Variants in ADAMTSL2 observed in about 807,000 individuals in gnomAD.
The protein encoded by ADAMTSL2 is ADAMTS like 2.
In ADAMTSL2, 55 loss-of-function variants were observed where a neutral mutation model predicts 117.0. That is an observed-to-expected ratio of 0.47 (90% CI 0.38 to 0.59). The LOEUF (loss-of-function observed/expected upper bound fraction) is 0.59. Among genes scored for constraint, ADAMTSL2 ranks in the 20% least tolerant of loss-of-function variants. ADAMTSL2 has a pLI of 0.00. For synonymous variants in ADAMTSL2, 572 were observed against 566.4 expected, an observed-to-expected ratio of 1.01 and a Z score of -0.14; for missense variants, 1,182 against 1,354.5, an observed-to-expected ratio of 0.87 and a Z score of 2.00.
chr9:133,537,295 G>A (rs556194090), intron 2 of ADAMTSL2, 110 bp from the exon 3 acceptor site: 217 of 1,195,934 alleles, frequency 1.8e-4, no homozygotes, highest in Middle Eastern at 6.4e-4. Flanking sequence ...CAGCCAGGGG[G>A]CTGTGTCTTC....
chr9:133,557,861 C>G lies in ADAMTSL2; in HGVS notation c.1649+1931C>G, dbSNP rs1013669074. Reference sequence around the variant, plus strand: ...TAGAATAGGTTTATCAGAGTGGCACCGAGGCCTCGCTGTGGAATTTGGCTT... The same window carrying G: ...TAGAATAGGTTTATCAGAGTGGCACGGAGGCCTCGCTGTGGAATTTGGCTT... On this transcript the variant is annotated intron_variant, in intron 11 of 18. Transcript: ENST00000651351. This position sits in a 1 kb window ranked among gnomAD's most constrained non-coding sequence, Gnocchi z 5.2. Among the ~76,000 whole-genome samples, 1 of 152,128 alleles carries G rather than the reference C, an allele frequency of 6.6e-6. No individual in the cohort carries two copies. The highest frequency in any genetic ancestry group is 2.4e-5 in the African/African-American group (1 of 41,418).
intron 11 of ADAMTSL2, among the ~76,000 whole-genome samples, chr9:133,559,611 C>T (rs1372330003): frequency 6.6e-6 from 1 of 151,598 alleles, no homozygotes; most frequent in African/African-American, 2.4e-5. Flanking sequence ...CTCGGCCTCC[C>T]AAAGTGCTGG....
At position 133,568,656 on chromosome 9, in the gene ADAMTSL2, G is replaced by A. The variant is rs11542920; in HGVS notation, c.2142G>A (p.Ser714=). The A allele has an allele frequency of 0.037, 59,579 of 1,613,292 alleles. 1,630 individuals carry two copies. Among genetic ancestry groups the A allele is most frequent in the South Asian group, 0.11 (10,071 of 91,058 alleles). The change falls in exon 15 of 19, where the codon TCG becomes TCA. Residue 714 remains serine (S), a synonymous_variant. Coordinates refer to ENST00000651351, the MANE Select transcript of ADAMTSL2 (RefSeq NM_014694.4). ...RSVVTRDIRC[S]EDEKLCDPNT... Reference sequence around the variant, plus strand: ...TGGTGACCAGGGACATCCGCTGCTCGGAGGATGAGAAGCTGTGTGACCCCA... The same window carrying A: ...TGGTGACCAGGGACATCCGCTGCTCAGAGGATGAGAAGCTGTGTGACCCCA...
intron 12 of ADAMTSL2, among the ~76,000 whole-genome samples, chr9:133,562,108 C>A (rs1194855068): frequency 6.6e-6 from 1 of 152,224 alleles, no homozygotes; most frequent in Non-Finnish European, 1.5e-5. Flanking sequence ...TGCTCCTGGT[C>A]CCGCCCCAGT....
rs1405261785 is a variant in ADAMTSL2 at position 133,558,898 on chromosome 9, T to C, written c.1650-2300T>C. ...TTATGTTCAAGAGTTGCATCTGCTA[T>C]GCCCCACACGTGCTGCTGCGAAGAG... is the stretch of plus-strand genomic sequence containing the variant. On this transcript the variant is annotated intron_variant, in intron 11 of 18. Coordinates refer to ENST00000651351, the MANE Select transcript of ADAMTSL2 (RefSeq NM_014694.4). The surrounding 1 kb of genome is among the most constrained non-coding windows in gnomAD (Gnocchi z 4.3). Among the ~76,000 whole-genome samples the C allele has an allele frequency of 2.0e-5, 3 of 152,238 alleles. No homozygotes were observed. Among genetic ancestry groups the C allele is most frequent in the Non-Finnish European group, 4.4e-5 (3 of 68,032 alleles).
Position 133,555,728 on chromosome 9 carries a change from G to A in ADAMTSL2, c.1447G>A (p.Ala483Thr). Reference sequence around the variant, plus strand: ...CAATGAGACTGTGAACAGCATCTTTGCACAGGGCGCCCCAAGGAGCTCCCT... The same window carrying A: ...CAATGAGACTGTGAACAGCATCTTTACACAGGGCGCCCCAAGGAGCTCCCT... Reference protein sequence around the residue: ...TLNETVNSIFAQGAPRSSLAE... With the variant: ...TLNETVNSIFTQGAPRSSLAE... The change falls in exon 11 of 19, where the codon GCA (alanine) becomes ACA (threonine). Residue 483 changes from alanine (A) to threonine (T), a missense_variant. Physicochemically the swap from Ala to Thr is moderately conservative, Grantham distance 58. Coordinates refer to ENST00000651351, the MANE Select transcript of ADAMTSL2 (RefSeq NM_014694.4). 1 of 1,614,028 alleles carries A rather than the reference G, an allele frequency of 6.2e-7. No homozygotes were observed. Among genetic ancestry groups the A allele is most frequent in the Non-Finnish European group, 8.5e-7 (1 of 1,180,050 alleles).
intron 12 of ADAMTSL2, among the ~76,000 whole-genome samples, chr9:133,563,842 A>G (rs867213933): frequency 2.5e-3 from 70 of 27,980 alleles, no homozygotes; most frequent in Middle Eastern, 0.029. Flanking sequence ...AGAGAGAGAG[A>G]GGGAGAGAGA....
chr9:133,564,088 G>GAA, intron 12 of ADAMTSL2, among the ~76,000 whole-genome samples: 1 of 48,702 alleles, frequency 2.1e-5, no homozygotes, highest in Non-Finnish European at 4.4e-5. Context: ...GAGAGAGAGA[G>GAA]AGAGGGAGAG....
In ADAMTSL2 at chr9:133,567,011, C is replaced by T; in HGVS notation, c.1823C>T (p.Thr608Ile). Residue 608 changes from threonine (T) to isoleucine (I), a missense_variant, in exon 13 of 19, where the codon ACC becomes ATC. Transcript: ENST00000651351. The stretch of plus-strand genomic sequence containing the variant: ...GATGACAGCTACTGTGACGCCCTGA[C>T]CCGTCCCGAGCCTGTCCACGAGTTC... ...EVDDSYCDAL[T>I]RPEPVHEFCA... 6.2e-7 allele frequency: 1 copy of T among 1,611,588 alleles called. No individual in the cohort carries two copies. The highest frequency in any genetic ancestry group is 8.5e-7 in the Non-Finnish European group (1 of 1,179,694).
In ADAMTSL2 at chr9:133,568,315, A is replaced by G; in HGVS notation, c.1917A>G (p.Gly639=). 1 of 1,581,364 alleles carries G rather than the reference A, an allele frequency of 6.3e-7. No individual in the cohort carries two copies. Residue 639 remains glycine (G), a synonymous_variant, in exon 14 of 19, where the codon GGA becomes GGG. Transcript: ENST00000651351. The stretch of plus-strand genomic sequence containing the variant: ...GGAGCGAGTGTTCGCGCACCTGCGG[A>G]GAGGGCTACCAGTTCCGCGTCGTGC... ...SSWSECSRTC[G]EGYQFRVVRC...
rs1830590408 is a variant in ADAMTSL2 at position 133,555,704 on chromosome 9, A to C, written c.1423A>C (p.Asn475His). ...AGSDLKDFTL[N>H]ETVNSIFAQG... ...CTCTGACTTGAAGGACTTCACCCTC[A>C]ATGAGACTGTGAACAGCATCTTTGC... is the stretch of plus-strand genomic sequence containing the variant. Residue 475 changes from asparagine (N) to histidine (H), a missense_variant, in exon 11 of 19, where the codon AAT (asparagine) becomes CAT (histidine). Coordinates refer to ENST00000651351, the MANE Select transcript of ADAMTSL2 (RefSeq NM_014694.4). The C allele has an allele frequency of 6.2e-7, 1 of 1,613,928 alleles. No individual in the cohort carries two copies. The highest frequency in any genetic ancestry group is 8.5e-7 in the Non-Finnish European group (1 of 1,180,026).
At position 133,537,705 on chromosome 9, in the gene ADAMTSL2, C is replaced by T. The variant is rs148482252; in HGVS notation, c.233+158C>T. Among the ~76,000 whole-genome samples the T allele has an allele frequency of 1.7e-3, 253 of 152,316 alleles. 3 individuals carry two copies. Among genetic ancestry groups the T allele is most frequent in the African/African-American group, 5.9e-3 (245 of 41,572 alleles). On this transcript the variant is annotated intron_variant, in intron 3 of 18. Coordinates refer to ENST00000651351, the MANE Select transcript of ADAMTSL2 (RefSeq NM_014694.4). ...AGTCCCCCCATCAGCCTCTGCTGGA[C>T]GCGGCTATGGATGGGCCCCAGCACT...
At chr9:133,563,073 T>C (rs1279010195) in intron 12 of ADAMTSL2, among the ~76,000 whole-genome samples, 1 of 152,184 alleles carries the variant, frequency 6.6e-6, no homozygotes, top group Admixed American at 6.5e-5. Context: ...CCTGGGCAAA[T>C]TGCCAAAGCC....
At chr9:133,548,992 CTTTT>C (rs1180540013) in intron 9 of ADAMTSL2, among the ~76,000 whole-genome samples, 7 of 31,022 alleles carry the variant, frequency 2.3e-4, no homozygotes, top group African/African-American at 5.9e-4. Flanking sequence ...CAGTTTCCTT[CTTTT>C]TTTTTTTTTT....
In ADAMTSL2 at chr9:133,540,984, A is replaced by G; in HGVS notation, c.665A>G (p.Lys222Arg). 6.2e-7 allele frequency: 1 copy of G among 1,613,382 alleles called. No individual in the cohort carries two copies. Among genetic ancestry groups the G allele is most frequent in the Non-Finnish European group, 8.5e-7 (1 of 1,180,004 alleles). The change falls in exon 7 of 19, where the codon AAG becomes AGG. Residue 222 changes from lysine to arginine, a missense_variant. Around this residue, in one of 3 missense-constraint regions of ADAMTSL2, gnomAD observed 372 missense variants for 463.4 expected, o/e 0.80. Coordinates refer to ENST00000651351, the MANE Select transcript of ADAMTSL2 (RefSeq NM_014694.4). ...ACCCACGTGACGGGCAACTATCGCA[A>G]GGGGAATGCCCACCTTGGTAAGCCA... ...SCTHVTGNYR[K>R]GNAHLGYSLV...
intron 9 of ADAMTSL2, among the ~76,000 whole-genome samples, chr9:133,552,001 T>A (rs1830497676): frequency 6.6e-6 from 1 of 151,934 alleles, no homozygotes; most frequent in African/African-American, 2.4e-5. Context: ...AGCTAATTTT[T>A]GTACTTTTAG....
At chr9:133,573,066 G>A (rs1316346347) in intron 17 of ADAMTSL2, among the ~76,000 whole-genome samples, 1 of 145,768 alleles carries the variant, frequency 6.9e-6, no homozygotes, top group Middle Eastern at 3.5e-3. Flanking sequence ...GTCTTAATCG[G>A]TCTTCCTTGC....
At position 133,536,709 on chromosome 9, in the gene ADAMTSL2, T is replaced by C. The variant is rs752331570; in HGVS notation, c.-4T>C. 6.2e-7 allele frequency: 1 copy of C among 1,614,158 alleles called. No homozygotes were observed. On this transcript the variant is annotated 5_prime_UTR_variant, in exon 2 of 19. Coordinates refer to ENST00000651351, the MANE Select transcript of ADAMTSL2 (RefSeq NM_014694.4). ...TGGTGGTGACAGTGGCCTTGCTTCCTAGGATGGATGGCAGATGGCAATGTT... is the reference window on the plus strand; with the variant it reads ...TGGTGGTGACAGTGGCCTTGCTTCCCAGGATGGATGGCAGATGGCAATGTT...
intron 12 of ADAMTSL2, 158 bp from the exon 13 acceptor site, chr9:133,566,778 A>T: frequency 1.0e-6 from 1 of 956,420 alleles, no homozygotes; most frequent in Non-Finnish European, 1.6e-6. Context: ...TCAGACCCAC[A>T]GTGCTGCCCT....
Sources: gnomAD v4.1 joint callset for allele counts (sites outside exome capture counted in the v4.1 genomes callset) on GRCh38, gnomAD v4.1.1 for gene constraint, gnomAD v4.1.1 regional missense constraint, Gnocchi (gnomAD v3.1) non-coding constraint, MANE v1.5 for transcripts, NCBI Gene and HGNC (gene_info 2026-07-23, HGNC 2026-07-21) for gene names.